The following SCN9A variants were observed in gnomAD, a reference collection of about 807,000 sequenced individuals.
SCN9A encodes the protein sodium voltage-gated channel alpha subunit 9.
SCN9A carries 131 observed loss-of-function variants against 187.0 expected under a neutral mutation model. The observed-to-expected ratio is 0.70, with a 90% CI of 0.61 to 0.81. The LOEUF (loss-of-function observed/expected upper bound fraction) is 0.81, where lower values mean the gene tolerates loss of function less well. SCN9A is among the 30% of genes least tolerant of loss of function. SCN9A has a pLI of 0.00. For synonymous variants in SCN9A, 809 were observed against 808.6 expected, an observed-to-expected ratio of 1.00 and a Z score of -0.01; for missense variants, 2,252 against 2,396.6, an observed-to-expected ratio of 0.94 and a Z score of 1.26.
At chr2:166,351,858 C>G (rs1249225134) in intron 1 of SCN9A, among the ~76,000 whole-genome samples, 1 of 152,072 alleles carries the variant, frequency 6.6e-6, no homozygotes, top group Non-Finnish European at 1.5e-5. Flanking sequence ...AGCTCATCAT[C>G]ATCAACCTGA....
intron 17 of SCN9A, among the ~76,000 whole-genome samples, chr2:166,254,514 T>C (rs958339727): frequency 1.3e-5 from 2 of 151,412 alleles, no homozygotes; most frequent in African/African-American, 2.4e-5. Context: ...GTGAAATATA[T>C]TGAATTCTCA....
chr2:166,292,716 G>A (rs143423730), intron 9 of SCN9A, among the ~76,000 whole-genome samples: 13 of 152,256 alleles, frequency 8.5e-5, no homozygotes, highest in Non-Finnish European at 4.4e-5. Context: ...TGCAATACAA[G>A]AGATCAATGA....
intron 1 of SCN9A, among the ~76,000 whole-genome samples, chr2:166,355,801 T>G (rs1574959700): frequency 6.6e-6 from 1 of 151,898 alleles, no homozygotes; most frequent in African/African-American, 2.4e-5. Flanking sequence ...TTTTTTTTTT[T>G]TTTGACAGAT....
intron 1 of SCN9A, among the ~76,000 whole-genome samples, chr2:166,366,117 C>T (rs1366667268): frequency 6.6e-6 from 1 of 152,080 alleles, no homozygotes; most frequent in African/African-American, 2.4e-5. Context: ...CCAATACCAA[C>T]TTGGATGCCA....
At position 166,229,058 on chromosome 2, in the gene SCN9A, T is replaced by C. The variant is rs80046808; in HGVS notation, c.3925-86A>G. On this transcript the variant is annotated intron_variant, in intron 21 of 26. Transcript: ENST00000642356. ...GAAAGAAATGCCATGCAGACATAAA[T>C]AAATTAGAAAAGCCGCCCTTAAATA... The C allele has an allele frequency of 4.5e-3, 5,106 of 1,132,032 alleles. 197 individuals are homozygous for C. In the African/African-American group the frequency reaches 0.072, roughly 16 times the overall value. The allele number at this position is 1,132,032 out of a possible 1,614,324, so 70.1% of individuals were successfully genotyped here. A position where few individuals can be genotyped will look rare whatever the true frequency, so the allele number is the denominator to read the frequency against.
At chr2:166,263,281 A>C (rs994543397) in intron 17 of SCN9A, among the ~76,000 whole-genome samples, 16 of 151,952 alleles carry the variant, frequency 1.1e-4, no homozygotes, top group African/African-American at 2.4e-4. Flanking sequence ...CTTTTTACAG[A>C]TGTTACGTTT....
At chr2:166,201,688 A>G (rs1470286882) in intron 26 of SCN9A, among the ~76,000 whole-genome samples, 1 of 150,128 alleles carries the variant, frequency 6.7e-6, no homozygotes, top group Non-Finnish European at 1.5e-5. Context: ...ACTCTATACT[A>G]TATACATAGT....
chr2:166,273,827 T>G (rs1466056464), intron 16 of SCN9A, among the ~76,000 whole-genome samples: 1 of 152,134 alleles, frequency 6.6e-6, no homozygotes, highest in Non-Finnish European at 1.5e-5. Flanking sequence ...AAGTAAGACC[T>G]AACTGAAGAG....
intron 1 of SCN9A, among the ~76,000 whole-genome samples, chr2:166,367,203 C>T (rs369907063): frequency 1.2e-4 from 19 of 152,310 alleles, no homozygotes; most frequent in African/African-American, 4.1e-4. Context: ...AGGATCTCAA[C>T]GTGTGTAACT....
intron 24 of SCN9A, among the ~76,000 whole-genome samples, chr2:166,225,293 C>A (rs1392833286): frequency 6.6e-6 from 1 of 152,134 alleles, no homozygotes; most frequent in Non-Finnish European, 1.5e-5. Context: ...CCTTCCAAAG[C>A]CTTCTCAATT....
intron 1 of SCN9A, among the ~76,000 whole-genome samples, chr2:166,321,257 T>A (rs1186258585): frequency 6.6e-6 from 1 of 152,170 alleles, no homozygotes; most frequent in Admixed American, 6.5e-5. Flanking sequence ...CAGTGGCTCG[T>A]GCCTGTAATT....
At chr2:166,297,129 G>A (rs1361429781) in intron 7 of SCN9A, among the ~76,000 whole-genome samples, 2 of 142,118 alleles carry the variant, frequency 1.4e-5, no homozygotes, top group Admixed American at 7.5e-5. Context: ...CCCGGGAGGC[G>A]GAGCTTACAG....
At chr2:166,284,359 C>T (rs1697630728) in intron 12 of SCN9A, 94 bp downstream of exon 12, 1 of 1,403,946 alleles carries the variant, frequency 7.1e-7, no homozygotes, top group African/African-American at 1.4e-5. Context: ...AATGCAGAGC[C>T]ATTCACAAGA....
intron 1 of SCN9A, among the ~76,000 whole-genome samples, chr2:166,332,646 T>C (rs1699533065): frequency 6.6e-6 from 1 of 152,168 alleles, no homozygotes; most frequent in South Asian, 2.1e-4. Context: ...ATAAAATAGA[T>C]ATGATGATTT....
intron 2 of SCN9A, among the ~76,000 whole-genome samples, chr2:166,309,466 C>A (rs185798678): frequency 6.6e-6 from 1 of 152,180 alleles, no homozygotes; most frequent in Admixed American, 6.5e-5. Flanking sequence ...ACAATGTATA[C>A]TATGTTATAC....
At chr2:166,248,584 C>T (rs1285127978) in intron 18 of SCN9A, among the ~76,000 whole-genome samples, 1 of 152,058 alleles carries the variant, frequency 6.6e-6, no homozygotes, top group South Asian at 2.1e-4. Flanking sequence ...AAAATCACAT[C>T]CTTATAATGT....
chr2:166,308,535 G>A (rs1413648952), intron 2 of SCN9A, among the ~76,000 whole-genome samples: 3 of 152,084 alleles, frequency 2.0e-5, no homozygotes, highest in Non-Finnish European at 4.4e-5. Context: ...TAAGTTTTCT[G>A]AGGCCTCCCC....
At position 166,288,596 on chromosome 2, in the gene SCN9A, C is replaced by A. The variant is rs58465962; in HGVS notation, c.1155G>T (p.Val385=). 17,430 of 1,611,628 alleles carry A rather than the reference C, an allele frequency of 0.011. 754 individuals carry two copies. The African/African-American group carries it at 0.13, about 12-fold the overall frequency. ...TTAGATAAAAGGAGCCCAGGAAAAT[C>A]ACTACGACAAAGAAGATCATGTAGG... is the stretch of plus-strand genomic sequence containing the variant. The part of the protein sequence containing the change: ...GKTYMIFFVV[V]IFLGSFYLIN... The change falls in exon 10 of 27, where the codon GTG becomes GTT. Residue 385 remains valine (V), a synonymous_variant. Transcript: ENST00000642356.
intron 21 of SCN9A, among the ~76,000 whole-genome samples, chr2:166,230,021 A>G (rs1558966978): frequency 6.6e-6 from 1 of 152,182 alleles, no homozygotes; most frequent in Non-Finnish European, 1.5e-5. Context: ...GAGAAATACT[A>G]AGGATCTCTG....
Sources: gnomAD v4.1 joint callset for allele counts (sites outside exome capture counted in the v4.1 genomes callset) on GRCh38, gnomAD v4.1.1 for gene constraint, MANE v1.5 for transcripts, NCBI Gene and HGNC (gene_info 2026-07-23, HGNC 2026-07-21) for gene names.